Variants in GPR158 observed in about 807,000 individuals in gnomAD.
GPR158 encodes G protein-coupled receptor 158.
In GPR158, 30 loss-of-function variants were observed where a neutral mutation model predicts 78.2. That is an observed-to-expected ratio of 0.38 (90% CI 0.29 to 0.52). GPR158 has a LOEUF of 0.52. Among genes scored for constraint, GPR158 ranks in the 20% least tolerant of loss-of-function variants. The pLI is 0.83. For missense variants in GPR158, 1,463 were observed against 1,523.5 expected (o/e 0.96, Z 0.66); for synonymous variants, 581 against 591.1 (o/e 0.98, Z 0.25).
intron 7 of GPR158, among the ~76,000 whole-genome samples, chr10:25,574,285 T>C (rs34839106): frequency 0.47 from 70,350 of 151,232 alleles, 16,819 homozygotes; most frequent in African/African-American, 0.54. Context: ...TTATTTTGCA[T>C]TCCAAAGAGG....
At chr10:25,311,440 T>TA (rs1854763037) in intron 2 of GPR158, among the ~76,000 whole-genome samples, 1 of 152,108 alleles carries the variant, frequency 6.6e-6, no homozygotes, top group South Asian at 2.1e-4. Flanking sequence ...GTAAATGCCT[T>TA]TATTATAACA....
chr10:25,354,381 A>C (rs1564430652), intron 2 of GPR158, among the ~76,000 whole-genome samples: 5 of 151,614 alleles, frequency 3.3e-5, no homozygotes, highest in Non-Finnish European at 7.4e-5. Flanking sequence ...GTTATTAAGG[A>C]GAGGACAACT....
intron 2 of GPR158, among the ~76,000 whole-genome samples, chr10:25,375,487 T>C (rs1376112182): frequency 1.3e-5 from 2 of 151,638 alleles, no homozygotes. Flanking sequence ...ACAATTCTTA[T>C]AGTTTTACCT....
At chr10:25,409,574 A>T (rs1471991745) in intron 3 of GPR158, among the ~76,000 whole-genome samples, 1 of 152,216 alleles carries the variant, frequency 6.6e-6, no homozygotes, top group African/African-American at 2.4e-5. Context: ...TCTGCTAAAA[A>T]ACAAAACACC....
chr10:25,334,724 C>T (rs1588805750), intron 2 of GPR158, among the ~76,000 whole-genome samples: 2 of 152,002 alleles, frequency 1.3e-5, no homozygotes, highest in South Asian at 4.1e-4. Flanking sequence ...ATCAGTATTA[C>T]CTCCTTTACT....
chr10:25,498,568 G>A (rs1311746583), intron 5 of GPR158, among the ~76,000 whole-genome samples: 1 of 152,204 alleles, frequency 6.6e-6, no homozygotes, highest in Non-Finnish European at 1.5e-5. Context: ...CTTCTGTAAT[G>A]TGTTGAAGGT....
At chr10:25,355,118 A>C (rs34036240) in intron 2 of GPR158, among the ~76,000 whole-genome samples, 15,186 of 151,924 alleles carry the variant, frequency 0.1, 1,882 homozygotes, top group African/African-American at 0.3. Flanking sequence ...GGAAAGTTTT[A>C]TATTATTTTT....
intron 5 of GPR158, among the ~76,000 whole-genome samples, chr10:25,531,496 A>G (rs535353134): frequency 1.3e-5 from 2 of 152,274 alleles, no homozygotes; most frequent in Non-Finnish European, 2.9e-5. Flanking sequence ...ACCTATAGTT[A>G]CACCTAGATA....
intron 5 of GPR158, among the ~76,000 whole-genome samples, chr10:25,506,704 A>G (rs553989759): frequency 6.6e-6 from 1 of 152,346 alleles, no homozygotes; most frequent in East Asian, 1.9e-4. Context: ...AATACAATTC[A>G]GGAAAATCCA....
intron 7 of GPR158, among the ~76,000 whole-genome samples, chr10:25,587,925 G>A (rs1055768168): frequency 1.3e-5 from 2 of 152,118 alleles, no homozygotes; most frequent in Non-Finnish European, 2.9e-5. Flanking sequence ...TTACAAGAAA[G>A]TTCCATCTAG....
At position 25,175,448 on chromosome 10, in the gene GPR158, C is replaced by A. The variant is rs1438129009; in HGVS notation, c.28C>A (p.Leu10Ile). Residue 10 changes from leucine (L) to isoleucine (I), a missense_variant, in exon 1 of 11, where the codon CTC (leucine) becomes ATC (isoleucine). Physicochemically the swap from Leu to Ile is conservative, Grantham distance 5 (BLOSUM62 2). Transcript: ENST00000376351. This position sits in a 1 kb window ranked among gnomAD's most constrained non-coding sequence, Gnocchi z 6.4. MGAMAYPLL[L>I]CLLLAQLGLG... ...GGGAGCCATGGCTTACCCCTTACTCCTCTGCCTCCTGCTTGCTCAGCTGGG... is the reference window on the plus strand; with the variant it reads ...GGGAGCCATGGCTTACCCCTTACTCATCTGCCTCCTGCTTGCTCAGCTGGG... 1 of 1,596,262 alleles carries A rather than the reference C, an allele frequency of 6.3e-7. No homozygotes were observed. Among genetic ancestry groups the A allele is most frequent in the Non-Finnish European group, 8.5e-7 (1 of 1,171,184 alleles).
chr10:25,476,488 T>A (rs1401169405), intron 5 of GPR158, among the ~76,000 whole-genome samples: 2 of 149,130 alleles, frequency 1.3e-5, no homozygotes, highest in Non-Finnish European at 3.0e-5. Flanking sequence ...ATACTTACGT[T>A]CAGGTTGTTC....
Position 25,598,516 on chromosome 10 carries a change from G to A in GPR158, c.2890G>A (p.Ala964Thr). ...KDPAPQNSNP[A>T]EEPRKPQKSG... ...TCCTGCCCCCCAAAACTCAAATCCT[G>A]CGGAGGAGCCAAGAAAGCCTCAGAA... The change falls in exon 11 of 11, where the codon GCG becomes ACG. Residue 964 changes from alanine to threonine, a missense_variant. Transcript: ENST00000376351. 2.5e-6 allele frequency: 4 copies of A among 1,612,908 alleles called. No homozygotes were observed. Among genetic ancestry groups the A allele is most frequent in the Non-Finnish European group, 3.4e-6 (4 of 1,179,726 alleles).
chr10:25,500,740 C>T (rs963947427), intron 5 of GPR158, among the ~76,000 whole-genome samples: 8 of 152,110 alleles, frequency 5.3e-5, no homozygotes, highest in African/African-American at 9.7e-5. Context: ...GTATAGACAG[C>T]GTGAAGTAAC....
chr10:25,473,133 A>C (rs560786381), intron 5 of GPR158, among the ~76,000 whole-genome samples: 1 of 152,068 alleles, frequency 6.6e-6, no homozygotes, highest in East Asian at 1.9e-4. Flanking sequence ...CGTCCCATCA[A>C]TACCTAATTT....
chr10:25,432,296 TC>T lies in GPR158; in HGVS notation c.1335+19824del, dbSNP rs200325809. On this transcript the variant is annotated intron_variant, in intron 4 of 10. Coordinates refer to ENST00000376351, the MANE Select transcript of GPR158 (RefSeq NM_020752.3). ...CATGTACGTCCATAAAAATAATAAT[TC>T]TCTCTGTTGGTGAAGGTGTTAGGAA... Among the ~76,000 whole-genome samples, 1,300 of 150,742 alleles carry T rather than the reference TC, an allele frequency of 8.6e-3. 12 individuals carry two copies. The highest frequency in any genetic ancestry group is 0.029 in the African/African-American group (1,212 of 41,090).
intron 4 of GPR158, among the ~76,000 whole-genome samples, chr10:25,437,313 C>G (rs967343740): frequency 6.6e-6 from 1 of 151,914 alleles, no homozygotes; most frequent in Admixed American, 6.6e-5. Flanking sequence ...GCAACCTCCA[C>G]CTCCTGGGTT....
intron 2 of GPR158, among the ~76,000 whole-genome samples, chr10:25,256,438 G>C (rs561622962): frequency 6.6e-6 from 1 of 152,196 alleles, no homozygotes; most frequent in Admixed American, 6.5e-5. Context: ...GATCACGCGA[G>C]GCCAGGAGTT....
intron 1 of GPR158, among the ~76,000 whole-genome samples, chr10:25,212,758 A>G (rs1370653741): frequency 1.3e-5 from 2 of 149,560 alleles, no homozygotes; most frequent in African/African-American, 5.0e-5. Context: ...CAGCCTCCCA[A>G]GTAGCTGGGA....
Sources: gnomAD v4.1 joint callset for allele counts (sites outside exome capture counted in the v4.1 genomes callset) on GRCh38, gnomAD v4.1.1 for gene constraint, Gnocchi (gnomAD v3.1) non-coding constraint, MANE v1.5 for transcripts, NCBI Gene and HGNC (gene_info 2026-07-23, HGNC 2026-07-21) for gene names.